RIMKLB: variants seen among roughly 807,000 people sequenced by gnomAD.
RIMKLB encodes beta-citrylglutamate synthase B.
In RIMKLB, 7 loss-of-function variants were observed where a neutral mutation model predicts 32.0. The observed-to-expected ratio is 0.22, with a 90% CI of 0.12 to 0.41. The LOEUF (loss-of-function observed/expected upper bound fraction) is 0.41. Among genes scored for constraint, RIMKLB ranks in the 10% least tolerant of loss-of-function variants. The pLI, the probability that RIMKLB is intolerant of heterozygous loss-of-function variation, is 1.00. For missense variants in RIMKLB, 289 were observed against 498.7 expected (o/e 0.58, Z 4.00); for synonymous variants, 172 against 185.1 (o/e 0.93, Z 0.57).
chr12:8,767,065 G>A (rs1467111263), intron 5 of RIMKLB, among the ~76,000 whole-genome samples: 3 of 152,172 alleles, frequency 2.0e-5, no homozygotes, highest in Admixed American at 6.5e-5. Flanking sequence ...CAGTGTTTTC[G>A]GGCTACGCCC....
Position 8,775,640 on chromosome 12 carries a change from C to G in RIMKLB, c.*1856C>G, listed in dbSNP as rs1182125819. On this transcript the variant is annotated 3_prime_UTR_variant, in exon 6 of 6. Coordinates refer to ENST00000535829, the MANE Select transcript of RIMKLB (RefSeq NM_001297776.2). ...CAGCTATAACAGAGGTTTGATCATG[C>G]TTACTTGTACAGTTTTTCCCCCGTT... 1 of 985,574 alleles carries G rather than the reference C, an allele frequency of 1.0e-6. No individual in the cohort carries two copies. Among genetic ancestry groups the G allele is most frequent in the African/African-American group, 1.7e-5 (1 of 57,192 alleles). The allele number at this position is 985,574 out of a possible 1,614,324, so 61.1% of individuals were successfully genotyped here.
At chr12:8,709,862 GA>G (rs1047303191) in intron 1 of RIMKLB, among the ~76,000 whole-genome samples, 2 of 150,884 alleles carry the variant, frequency 1.3e-5, no homozygotes, top group African/African-American at 5.0e-5. Context: ...GTATGTTTAG[GA>G]AAAAACATAG....
upstream of RIMKLB, among the ~76,000 whole-genome samples, chr12:8,692,828 G>C (rs1394905152): frequency 6.6e-6 from 1 of 152,192 alleles, no homozygotes; most frequent in Non-Finnish European, 1.5e-5. Flanking sequence ...CTCCAGGAGA[G>C]GAAACAGTGG....
Position 8,749,906 on chromosome 12 carries a change from G to A in RIMKLB, c.220G>A (p.Val74Met). 1 of 1,612,300 alleles carries A rather than the reference G, an allele frequency of 6.2e-7. No homozygotes were observed. The highest frequency in any genetic ancestry group is 8.5e-7 in the Non-Finnish European group (1 of 1,178,510). Reference sequence around the variant, plus strand: ...GCTAATCACTGCCTACCCACAAGTGGTGGTAGTCAGAGTACCAACCCCTTG... The same window carrying A: ...GCTAATCACTGCCTACCCACAAGTGATGGTAGTCAGAGTACCAACCCCTTG... ...GELITAYPQV[V>M]VVRVPTPWVQ... The change falls in exon 3 of 6, where the codon GTG (valine) becomes ATG (methionine). Residue 74 changes from valine (V) to methionine (M), a missense_variant. Val to Met is a conservative substitution (Grantham distance 21). Around this residue, in one of 3 missense-constraint regions of RIMKLB, gnomAD observed 156 missense variants for 329.5 expected, o/e 0.47. Transcript: ENST00000535829.
intron 1 of RIMKLB, among the ~76,000 whole-genome samples, chr12:8,713,415 A>G (rs1423640857): frequency 6.6e-6 from 1 of 152,230 alleles, no homozygotes; most frequent in Non-Finnish European, 1.5e-5. Context: ...AAAGATGGAA[A>G]TATATTGATT....
rs1039969136 is a variant in RIMKLB, at chr12:8,775,294, T to TC, written c.*1511dup. On this transcript the variant is annotated 3_prime_UTR_variant, in exon 6 of 6. Coordinates refer to ENST00000535829, the MANE Select transcript of RIMKLB (RefSeq NM_001297776.2). ...CTCTTATAGCCCTACTCTTAAGCCT[T>TC]CAATACTGTCCACTCTTTATATTCC... 1.0e-4 allele frequency: 103 copies of TC among 985,394 alleles called. No individual in the cohort carries two copies. In the African/African-American group the frequency reaches 1.6e-3, roughly 15 times the overall value. 61.0% of individuals were successfully genotyped at this position (985,394 alleles called of 1,614,324 possible).
intron 1 of RIMKLB, among the ~76,000 whole-genome samples, chr12:8,691,503 C>T (rs922643571): frequency 1.5e-4 from 23 of 151,832 alleles, no homozygotes; most frequent in Middle Eastern, 3.4e-3. Flanking sequence ...CCAGCTACTC[C>T]GGAGGATGAG....
chr12:8,681,193 G>A (rs1942402457), upstream of RIMKLB, among the ~76,000 whole-genome samples: 1 of 151,950 alleles, frequency 6.6e-6, no homozygotes, highest in Admixed American at 6.6e-5. Flanking sequence ...TCAAATTCCT[G>A]AGCTCAAGCG....
chr12:8,777,927 A>G (rs1451530939), downstream of RIMKLB: 1 of 175,868 alleles, frequency 5.7e-6, no homozygotes, highest in East Asian at 1.6e-4. Context: ...AAAATAATGC[A>G]TAAATGTATC....
downstream of RIMKLB, chr12:8,780,452 G>A (rs1950966121): frequency 6.6e-6 from 1 of 152,036 alleles, no homozygotes; most frequent in South Asian, 2.1e-4. Flanking sequence ...TGGAGGGAAG[G>A]TCTTGGAGAA....
At chr12:8,715,202 T>G (rs933441301) in intron 2 of RIMKLB, among the ~76,000 whole-genome samples, 1 of 151,966 alleles carries the variant, frequency 6.6e-6, no homozygotes, top group East Asian at 1.9e-4. Context: ...TTTGTTGTTT[T>G]GCTTAAATGG....
At chr12:8,683,135 C>T (rs766761105) in intron 1 of RIMKLB, among the ~76,000 whole-genome samples, 2 of 152,266 alleles carry the variant, frequency 1.3e-5, no homozygotes, top group East Asian at 3.9e-4. Flanking sequence ...TCTGAATATA[C>T]CACAGTTTAT....
chr12:8,719,643 A>G (rs777061595), intron 2 of RIMKLB, among the ~76,000 whole-genome samples: 2 of 152,202 alleles, frequency 1.3e-5, no homozygotes, highest in Admixed American at 6.5e-5. Flanking sequence ...TGCTAGGATT[A>G]CAGGCATGAG....
intron 2 of RIMKLB, among the ~76,000 whole-genome samples, chr12:8,730,623 G>C (rs186982302): frequency 6.6e-6 from 1 of 152,214 alleles, no homozygotes. Flanking sequence ...CCAATTTTAC[G>C]TAGGGAATTG....
At chr12:8,707,172 C>CAGAG (rs1377722899) in intron 1 of RIMKLB, among the ~76,000 whole-genome samples, 1 of 152,168 alleles carries the variant, frequency 6.6e-6, no homozygotes, top group African/African-American at 2.4e-5. Context: ...AGCTAGGTGT[C>CAGAG]CTCTAATTTC....
At chr12:8,749,836 G>A (rs1375016061) in intron 2 of RIMKLB, 26 bp from the exon 3 acceptor site, 1 of 1,441,314 alleles carries the variant, frequency 6.9e-7, no homozygotes, top group East Asian at 2.3e-5. Flanking sequence ...CTCTAATTGT[G>A]TTGGTCTTGT....
In RIMKLB at chr12:8,766,855, G is replaced by A. The variant is rs562966221; in HGVS notation, c.698-6466G>A. Reference sequence around the variant, plus strand: ...AGAATAGCCCCATACTTTAAGATTTGAGTTAGTAAGCTAACTTTTTGCTTT... The same window carrying A: ...AGAATAGCCCCATACTTTAAGATTTAAGTTAGTAAGCTAACTTTTTGCTTT... On this transcript the variant is annotated intron_variant, in intron 5 of 5. Transcript: ENST00000535829. Among the ~76,000 whole-genome samples, 168 of 152,366 alleles carry A rather than the reference G, an allele frequency of 1.1e-3. 1 individual carries two copies. The highest frequency in any genetic ancestry group is 1.8e-3 in the Admixed American group (27 of 15,310).
chr12:8,742,521 CT>C, intron 2 of RIMKLB: 1 of 396,954 alleles, frequency 2.5e-6, no homozygotes, highest in Non-Finnish European at 4.9e-6. Flanking sequence ...GGGCACCACC[CT>C]TCACTTTCAG....
At chr12:8,680,544 A>G (rs1423347462), upstream of RIMKLB, among the ~76,000 whole-genome samples, 2 of 152,216 alleles carry the variant, frequency 1.3e-5, no homozygotes, top group African/African-American at 4.8e-5. Flanking sequence ...TCTTTGGAGT[A>G]GCCATTCTTT....
Sources: gnomAD v4.1 joint callset for allele counts (sites outside exome capture counted in the v4.1 genomes callset) on GRCh38, gnomAD v4.1.1 for gene constraint, gnomAD v4.1.1 regional missense constraint, MANE v1.5 for transcripts, NCBI Gene and HGNC (gene_info 2026-07-23, HGNC 2026-07-21) for gene names.